Variants in PKHD1 observed in about 807,000 individuals in gnomAD.
PKHD1 encodes PKHD1 ciliary IPT domain containing fibrocystin/polyductin.
In PKHD1, 291 loss-of-function variants were observed where a neutral mutation model predicts 412.0. That is an observed-to-expected ratio of 0.71 (90% CI 0.64 to 0.78). PKHD1 has a LOEUF of 0.78. Ranked by LOEUF, PKHD1 falls within the 30% of genes least tolerant of loss-of-function variation. The pLI, the probability that PKHD1 is intolerant of heterozygous loss-of-function variation, is 0.00. For missense variants in PKHD1, 4,825 were observed against 4,950.7 expected (o/e 0.97, Z 0.76); for synonymous variants, 1,777 against 1,821.5 (o/e 0.98, Z 0.62).
In PKHD1 at chr6:51,747,898, G is replaced by C; in HGVS notation, c.9718C>G (p.Arg3240Gly). The C allele has an allele frequency of 6.2e-7, 1 of 1,613,856 alleles. No homozygotes were observed. The highest frequency in any genetic ancestry group is 8.5e-7 in the Non-Finnish European group (1 of 1,179,844). ...AATACAGGCCACAGAATACCAATTC[G>C]ACCTCCTCTTGGATTGGAGGGAGCT... ...DRAPSNPRGGRIGILWPVFTS... is the reference protein window; with the variant it reads ...DRAPSNPRGGGIGILWPVFTS... Residue 3240 changes from arginine to glycine, a missense_variant, in exon 58 of 67, where the codon CGA becomes GGA. Physicochemically the swap from Arg to Gly is moderately radical, Grantham distance 125. Transcript: ENST00000371117.
chr6:51,861,033 G>A (rs1483107289), intron 48 of PKHD1, among the ~76,000 whole-genome samples: 2 of 152,064 alleles, frequency 1.3e-5, no homozygotes, highest in East Asian at 1.9e-4. Context: ...GGCTGGTCTC[G>A]AACTCCTGAC....
chr6:51,715,108 A>G (rs1210848200), intron 60 of PKHD1, among the ~76,000 whole-genome samples: 1 of 152,132 alleles, frequency 6.6e-6, no homozygotes, highest in Non-Finnish European at 1.5e-5. Flanking sequence ...AACACAGAAG[A>G]GCCTCTACCA....
chr6:51,760,220 C>A (rs1787764082), intron 55 of PKHD1, among the ~76,000 whole-genome samples: 1 of 152,054 alleles, frequency 6.6e-6, no homozygotes, highest in South Asian at 2.1e-4. Context: ...GCCATTGAAC[C>A]AAGAAGCTCA....
At chr6:51,781,671 G>A (rs1467922189) in intron 53 of PKHD1, among the ~76,000 whole-genome samples, 1 of 151,948 alleles carries the variant, frequency 6.6e-6, no homozygotes, top group Non-Finnish European at 1.5e-5. Flanking sequence ...CATAATACAT[G>A]TTTTTAAAAA....
intron 23 of PKHD1, 58 bp from the exon 24 acceptor site, chr6:52,046,246 G>T: frequency 7.7e-7 from 1 of 1,293,520 alleles, no homozygotes; most frequent in Non-Finnish European, 1.1e-6. Flanking sequence ...ACCTTACAGA[G>T]TTTCATCCTC....
In PKHD1 at chr6:51,847,973, T is replaced by C. The variant is rs764851620; in HGVS notation, c.7912-3A>G. ...AAGTTGTCAAAGGTTGCTGAGTACT[T>C]GAAGTGAAAGAAAAACACAATAGTG... On this transcript the variant is annotated splice_region_variant and splice_polypyrimidine_tract_variant and intron_variant, in intron 49 of 66. Coordinates refer to ENST00000371117, the MANE Select transcript of PKHD1 (RefSeq NM_138694.4). 11 of 1,609,006 alleles carry C rather than the reference T, an allele frequency of 6.8e-6. No homozygotes were observed. The East Asian group carries it at 2.5e-4, about 36-fold the overall frequency.
intron 56 of PKHD1, among the ~76,000 whole-genome samples, chr6:51,753,627 T>G (rs1432682613): frequency 2.0e-5 from 3 of 152,166 alleles, no homozygotes; most frequent in African/African-American, 7.2e-5. Context: ...AGGTCACTGG[T>G]TCAGGGAAGT....
intron 60 of PKHD1, among the ~76,000 whole-genome samples, chr6:51,739,362 C>A (rs925911515): frequency 6.6e-6 from 1 of 152,044 alleles, no homozygotes; most frequent in Non-Finnish European, 1.5e-5. Context: ...TCCTGAGTAG[C>A]TGGGATCACA....
intron 40 of PKHD1, among the ~76,000 whole-genome samples, 160 bp downstream of exon 40, chr6:51,909,123 T>C (rs1312886001): frequency 6.6e-6 from 1 of 152,176 alleles, no homozygotes; most frequent in African/African-American, 2.4e-5. Context: ...GTGATTTGTT[T>C]AGGCATACTG....
At chr6:52,010,072 C>A (rs912347027) in intron 35 of PKHD1, among the ~76,000 whole-genome samples, 1 of 152,022 alleles carries the variant, frequency 6.6e-6, no homozygotes, top group African/African-American at 2.4e-5. Context: ...AGATTATCTG[C>A]TCAGAATTTG....
intron 49 of PKHD1, among the ~76,000 whole-genome samples, chr6:51,852,777 C>G (rs1159722880): frequency 2.0e-5 from 3 of 150,604 alleles, no homozygotes; most frequent in African/African-American, 7.3e-5. Context: ...TTTCCTCCAT[C>G]CCTTTATTTT....
At chr6:51,653,399 T>G (rs1166102597) in intron 61 of PKHD1, among the ~76,000 whole-genome samples, 2 of 152,106 alleles carry the variant, frequency 1.3e-5, no homozygotes, top group African/African-American at 4.8e-5. Flanking sequence ...AAGCCTGGCA[T>G]GTTGTAAGCA....
intron 43 of PKHD1, among the ~76,000 whole-genome samples, chr6:51,902,308 C>CA (rs939825655): frequency 1.3e-5 from 2 of 152,122 alleles, no homozygotes; most frequent in Non-Finnish European, 1.5e-5. Flanking sequence ...AAAATAACAA[C>CA]AAAAAAATCC....
intron 23 of PKHD1, among the ~76,000 whole-genome samples, chr6:52,046,635 C>T (rs1183060827): frequency 6.6e-6 from 1 of 152,262 alleles, no homozygotes; most frequent in Non-Finnish European, 1.5e-5. Context: ...CCCATAAAAA[C>T]TTGGCCAGCC....
rs573702599 is a variant in PKHD1, at chr6:51,682,276, C to T, written c.10157-22307G>A. The T allele has an allele frequency of 2.6e-4, 119 of 451,972 alleles. 1 individual carries two copies. The highest frequency in any genetic ancestry group is 1.8e-3 in the South Asian group (117 of 63,296). The allele number at this position is 451,972 out of a possible 1,614,324, so 28.0% of individuals were successfully genotyped here. On this transcript the variant is annotated intron_variant, in intron 60 of 66. Transcript: ENST00000371117. ...GAAAACAGAAACATAACACAATTTT[C>T]TCTCTAAACACAAGTTTTCTTTACA...
At chr6:51,784,296 G>A (rs1792512453) in intron 53 of PKHD1, among the ~76,000 whole-genome samples, 2 of 152,128 alleles carry the variant, frequency 1.3e-5, no homozygotes, top group African/African-American at 4.8e-5. Flanking sequence ...GGTAGTCCTT[G>A]GGCAAAGGCT....
At chr6:51,900,496 C>T (rs1410954654) in intron 43 of PKHD1, among the ~76,000 whole-genome samples, 1 of 152,216 alleles carries the variant, frequency 6.6e-6, no homozygotes, top group Non-Finnish European at 1.5e-5. Context: ...GGATCACTTC[C>T]TTACACCTTA....
At chr6:51,771,873 C>G (rs1790198423) in intron 55 of PKHD1, among the ~76,000 whole-genome samples, 2 of 152,062 alleles carry the variant, frequency 1.3e-5, no homozygotes, top group Admixed American at 1.3e-4. Context: ...TCACGATCTT[C>G]CCACATGTGA....
intron 60 of PKHD1, among the ~76,000 whole-genome samples, chr6:51,701,592 T>A (rs1779406714): frequency 6.6e-6 from 1 of 152,048 alleles, no homozygotes; most frequent in Non-Finnish European, 1.5e-5. Context: ...AATAAATCAA[T>A]TAACCAGTTT....
Sources: allele counts gnomAD v4.1 joint callset (sites outside exome capture counted in the v4.1 genomes callset), GRCh38; gene constraint gnomAD v4.1.1; transcripts MANE v1.5; gene names NCBI Gene and HGNC (gene_info 2026-07-23, HGNC 2026-07-21).